The following CREB5 variants were observed in gnomAD, a reference collection of about 807,000 sequenced individuals.
The protein encoded by CREB5 is cAMP responsive element binding protein 5.
A neutral mutation model predicts 57.1 loss-of-function variants in CREB5; 19 were observed. The ratio of observed to expected loss-of-function variants is 0.33; its 90% CI spans 0.23 to 0.49. CREB5 has a LOEUF of 0.49. Ranked by LOEUF, CREB5 falls within the 20% of genes least tolerant of loss-of-function variation. The pLI is 0.99. For missense variants in CREB5, 579 were observed against 671.6 expected (o/e 0.86, Z 1.52); for synonymous variants, 238 against 238.3 (o/e 1.00, Z 0.01).
At chr7:28,444,641 AG>A (rs1789349337) in intron 1 of CREB5, among the ~76,000 whole-genome samples, 1 of 152,196 alleles carries the variant, frequency 6.6e-6, no homozygotes, top group Non-Finnish European at 1.5e-5. Flanking sequence ...GTGCTTATTT[AG>A]CCCTGCCACT....
chr7:28,697,830 A>C (rs1021467362), intron 5 of CREB5, among the ~76,000 whole-genome samples: 11 of 152,206 alleles, frequency 7.2e-5, no homozygotes, highest in African/African-American at 2.7e-4. Context: ...GCAGGTGGAC[A>C]CGTGTGGATG....
At chr7:28,647,287 T>G (rs1798925334) in intron 5 of CREB5, among the ~76,000 whole-genome samples, 1 of 151,762 alleles carries the variant, frequency 6.6e-6, no homozygotes, top group Non-Finnish European at 1.5e-5. Context: ...TTGACCTCAC[T>G]TGTCCTGGAG....
intron 5 of CREB5, among the ~76,000 whole-genome samples, chr7:28,710,734 T>G (rs1029314507): frequency 1.3e-5 from 2 of 152,220 alleles, no homozygotes; most frequent in African/African-American, 4.8e-5. Context: ...ATTGGAAATT[T>G]GTAAATAAAT....
chr7:28,373,919 A>ATATATATC (rs941702720), intron 1 of CREB5, among the ~76,000 whole-genome samples: 4 of 151,170 alleles, frequency 2.6e-5, no homozygotes, highest in African/African-American at 9.7e-5. Flanking sequence ...ATATATATAT[A>ATATATATC]TATATGTATA....
At chr7:28,664,610 G>A (rs904183244) in intron 5 of CREB5, among the ~76,000 whole-genome samples, 1 of 152,112 alleles carries the variant, frequency 6.6e-6, no homozygotes, top group African/African-American at 2.4e-5. Flanking sequence ...TGATACCTGT[G>A]TACTTAACAT....
intron 5 of CREB5, among the ~76,000 whole-genome samples, chr7:28,675,208 G>C (rs1024919208): frequency 6.6e-6 from 1 of 152,134 alleles, no homozygotes; most frequent in Admixed American, 6.5e-5. Context: ...CCATTATCAC[G>C]ATCTAAAGTA....
intron 5 of CREB5, among the ~76,000 whole-genome samples, chr7:28,612,918 CT>C (rs1797450605): frequency 6.6e-6 from 1 of 152,152 alleles, no homozygotes; most frequent in Non-Finnish European, 1.5e-5. Context: ...GTACTTATCC[CT>C]TCTCAAAGAT....
intron 5 of CREB5, among the ~76,000 whole-genome samples, chr7:28,628,885 A>G (rs160357): frequency 0.43 from 64,591 of 151,952 alleles, 13,979 homozygotes; most frequent in African/African-American, 0.51. Context: ...AGATTATTAG[A>G]TAGGCATTGA....
At chr7:28,468,897 G>T (rs1311851519) in intron 1 of CREB5, among the ~76,000 whole-genome samples, 1 of 152,212 alleles carries the variant, frequency 6.6e-6, no homozygotes, top group Non-Finnish European at 1.5e-5. Context: ...AGATCATGTA[G>T]GTCTTAATGT....
intron 1 of CREB5, among the ~76,000 whole-genome samples, chr7:28,306,782 C>T (rs1020322790): frequency 3.3e-4 from 48 of 145,666 alleles, no homozygotes; most frequent in Middle Eastern, 3.5e-3. Flanking sequence ...GGGATGGTCT[C>T]GATCTCCTGA....
At chr7:28,383,121 G>A (rs886799515) in intron 1 of CREB5, among the ~76,000 whole-genome samples, 1 of 152,180 alleles carries the variant, frequency 6.6e-6, no homozygotes, top group Non-Finnish European at 1.5e-5. Flanking sequence ...CCAAGTGGGA[G>A]GGTCTGGAGG....
chr7:28,465,649 C>T (rs1583496436), intron 1 of CREB5, among the ~76,000 whole-genome samples: 1 of 152,034 alleles, frequency 6.6e-6, no homozygotes, highest in Admixed American at 6.6e-5. Flanking sequence ...GTCTCAGATT[C>T]GTCATTGGCC....
At chr7:28,559,725 A>T (rs1795007382) in intron 4 of CREB5, among the ~76,000 whole-genome samples, 1 of 152,236 alleles carries the variant, frequency 6.6e-6, no homozygotes, top group Non-Finnish European at 1.5e-5. Flanking sequence ...ACGCCTCAAA[A>T]ATCACAGTTC....
intron 1 of CREB5, among the ~76,000 whole-genome samples, chr7:28,484,912 G>C (rs565795429): frequency 2.6e-5 from 4 of 152,128 alleles, no homozygotes; most frequent in African/African-American, 9.7e-5. Flanking sequence ...CTATGTGGCC[G>C]AGCCTTTCGT....
chr7:28,316,476 A>G (rs1446572358), intron 1 of CREB5, among the ~76,000 whole-genome samples: 1 of 152,110 alleles, frequency 6.6e-6, no homozygotes, highest in Non-Finnish European at 1.5e-5. Context: ...AAAGAGACAA[A>G]TCAATCAGGA....
intron 7 of CREB5, among the ~76,000 whole-genome samples, chr7:28,775,935 ACCTTTTTACAAATGG>A (rs1311547936): frequency 1.3e-5 from 2 of 152,110 alleles, no homozygotes; most frequent in Non-Finnish European, 2.9e-5. Flanking sequence ...AAATATTATC[ACCTTTTTACAAATGG>A]GGAAACTGAC....
intron 1 of CREB5, among the ~76,000 whole-genome samples, chr7:28,402,852 C>T (rs1053014942): frequency 2.0e-5 from 3 of 152,192 alleles, no homozygotes; most frequent in African/African-American, 7.2e-5. Flanking sequence ...AGAGCTTCTG[C>T]ACAGCAAAAG....
chr7:28,794,326 A>G (rs757797992), intron 7 of CREB5, among the ~76,000 whole-genome samples: 7 of 152,220 alleles, frequency 4.6e-5, no homozygotes, highest in Non-Finnish European at 1.0e-4. Flanking sequence ...CCCTGCAATC[A>G]CCAACAGAAA....
intron 2 of CREB5, among the ~76,000 whole-genome samples, chr7:28,488,683 G>A (rs1791674263): frequency 2.0e-5 from 3 of 152,130 alleles, no homozygotes; most frequent in African/African-American, 7.2e-5. Context: ...TCCAATTTGA[G>A]TAAAAAAACC....
Sources: allele counts gnomAD v4.1 joint callset (sites outside exome capture counted in the v4.1 genomes callset), GRCh38; gene constraint gnomAD v4.1.1; transcripts MANE v1.5; gene names NCBI Gene and HGNC (gene_info 2026-07-23, HGNC 2026-07-21).